Variants in DOCK9 observed in about 807,000 individuals in gnomAD.
The protein encoded by DOCK9 is dedicator of cytokinesis protein 9.
In DOCK9, 89 loss-of-function variants were observed where a neutral mutation model predicts 263.3. That is an observed-to-expected ratio of 0.34 (90% confidence interval 0.28 to 0.40). The LOEUF (loss-of-function observed/expected upper bound fraction) is 0.40, where lower values mean the gene tolerates loss of function less well. DOCK9 is among the 10% of genes least tolerant of loss of function. The probability of loss-of-function intolerance (pLI) is 1.00; values close to 1 mark genes in which losing one functional copy is unlikely to be tolerated. For synonymous variants in DOCK9, 976 were observed against 973.1 expected, an observed-to-expected ratio of 1.00 and a Z score of -0.06; for missense variants, 2,140 against 2,603.4, an observed-to-expected ratio of 0.82 and a Z score of 3.87.
chr13:99,003,927 C>A (rs1164876921), intron 1 of DOCK9, among the ~76,000 whole-genome samples: 2 of 152,134 alleles, frequency 1.3e-5, no homozygotes, highest in Non-Finnish European at 2.9e-5. Flanking sequence ...CCAACAAGAC[C>A]CACCATGATA....
At chr13:99,005,431 C>A (rs1232754553) in intron 1 of DOCK9, among the ~76,000 whole-genome samples, 1 of 152,022 alleles carries the variant, frequency 6.6e-6, no homozygotes, top group Admixed American at 6.6e-5. Context: ...AAGAACCTTG[C>A]TTTTGCAGGG....
At chr13:98,866,988 GTTC>G (rs1353137686) in intron 30 of DOCK9, 4 of 375,164 alleles carry the variant, frequency 1.1e-5, no homozygotes, top group African/African-American at 8.6e-5. Context: ...TATGGAAGCA[GTTC>G]AGCCATCACT....
At chr13:99,004,864 G>A (rs528848237) in intron 1 of DOCK9, among the ~76,000 whole-genome samples, 10 of 150,416 alleles carry the variant, frequency 6.6e-5, no homozygotes, top group East Asian at 1.9e-4. Context: ...CCAAACCTTC[G>A]TATACACTAT....
intron 1 of DOCK9, among the ~76,000 whole-genome samples, chr13:99,008,256 A>G (rs1207222783): frequency 8.0e-6 from 1 of 124,272 alleles, no homozygotes; most frequent in Non-Finnish European, 1.6e-5. Flanking sequence ...TTTTGAGACG[A>G]AGTCTCATTC....
At chr13:98,887,143 A>ATATATATATATATATATT (rs1470080750) in intron 18 of DOCK9, among the ~76,000 whole-genome samples, 1 of 95,292 alleles carries the variant, frequency 1.0e-5, no homozygotes, top group Non-Finnish European at 2.0e-5. Context: ...ATATATATAT[A>ATATATATATATATATATT]TTTTTTTTTT....
rs1439031206 is a variant in DOCK9 at position 98,809,485 on chromosome 13, C to G, written c.5254-20G>C. 1 of 1,549,454 alleles carries G rather than the reference C, an allele frequency of 6.5e-7. No homozygotes were observed. Among genetic ancestry groups the G allele is most frequent in the African/African-American group, 1.4e-5 (1 of 71,948 alleles). On this transcript the variant is annotated intron_variant, in intron 46 of 52. Coordinates refer to ENST00000682017, the MANE Select transcript of DOCK9 (RefSeq NM_001366683.2). ...CAGCCTCTGGAAAGCAGAACAAAGC[C>G]CATTTCTTCCCATGTGCAAAGAGGA...
chr13:98,810,409 A>T (rs2091198340), intron 45 of DOCK9, 118 bp from the exon 46 acceptor site: 3 of 1,226,148 alleles, frequency 2.4e-6, no homozygotes, highest in Non-Finnish European at 3.4e-6. Flanking sequence ...AATAGACAAC[A>T]TGCATCAACA....
chr13:99,008,404 T>C (rs1205340418), intron 1 of DOCK9, among the ~76,000 whole-genome samples: 33 of 151,902 alleles, frequency 2.2e-4, no homozygotes. Context: ...CAGCTAATTT[T>C]TGTATTTTTA....
At position 98,922,482 on chromosome 13, in the gene DOCK9, C is replaced by A. The variant is rs368969879; in HGVS notation, c.487-336G>T. Among the ~76,000 whole-genome samples, 12 of 152,140 alleles carry A rather than the reference C, an allele frequency of 7.9e-5. No homozygotes were observed. The East Asian group carries it at 1.7e-3, about 22-fold the overall frequency. On this transcript the variant is annotated intron_variant, in intron 5 of 52. Coordinates refer to ENST00000682017, the MANE Select transcript of DOCK9 (RefSeq NM_001366683.2). ...CGTTGGAAGGTCTTGCCTGGTTTCA[C>A]GAAAAAATGTTTTCAAATGACACTC...
chr13:99,085,938 A>C (rs1347321218), intron 1 of DOCK9, among the ~76,000 whole-genome samples: 1 of 152,044 alleles, frequency 6.6e-6, no homozygotes, highest in Admixed American at 6.5e-5. Flanking sequence ...GGGTGAAAAG[A>C]GTGACAGGGC....
At chr13:99,058,596 T>C (rs1463713288) in intron 1 of DOCK9, among the ~76,000 whole-genome samples, 1 of 152,094 alleles carries the variant, frequency 6.6e-6, no homozygotes, top group Non-Finnish European at 1.5e-5. Context: ...CTCATCCTGC[T>C]CTATGTGCCC....
At position 98,807,081 on chromosome 13, in the gene DOCK9, G is replaced by A. The variant is rs1340817283; in HGVS notation, c.5514+580C>T. ...ACCTTCAGGAAGCAGAGGGAGACCT[G>A]ACCTCCTGGAGATGTCCTGAGGAGG... On this transcript the variant is annotated intron_variant, in intron 48 of 52. Coordinates refer to ENST00000682017, the MANE Select transcript of DOCK9 (RefSeq NM_001366683.2). Among the ~76,000 whole-genome samples the A allele has an allele frequency of 1.3e-4, 20 of 152,296 alleles. No individual in the cohort carries two copies. In the South Asian group the frequency reaches 3.9e-3, roughly 30 times the overall value.
At chr13:98,815,641 C>T (rs1278598714) in intron 45 of DOCK9, among the ~76,000 whole-genome samples, 1 of 152,084 alleles carries the variant, frequency 6.6e-6, no homozygotes, top group Admixed American at 6.5e-5. Flanking sequence ...GCCACCATGC[C>T]CGGCTAATTT....
In DOCK9 at chr13:98,825,810, C is replaced by T; in HGVS notation, c.5023+1020G>A. On this transcript the variant is annotated intron_variant, in intron 44 of 52. Coordinates refer to ENST00000682017, the MANE Select transcript of DOCK9 (RefSeq NM_001366683.2). The surrounding 1 kb of genome is among the most constrained non-coding windows in gnomAD (Gnocchi z 4.1). ...AAAGTTAAAAGGGCAAATCCCCCAC[C>T]ACGGGAGGGCACGTGACCAGGGCAG... 1 of 1,172,446 alleles carries T rather than the reference C, an allele frequency of 8.5e-7. No homozygotes were observed. The highest frequency in any genetic ancestry group is 2.1e-5 in the South Asian group (1 of 47,954). 72.6% of individuals were successfully genotyped at this position (1,172,446 alleles called of 1,614,324 possible). A position where few individuals can be genotyped will look rare whatever the true frequency, so the allele number is the denominator to read the frequency against.
At chr13:98,810,011 G>T (rs1232317278) in intron 46 of DOCK9, among the ~76,000 whole-genome samples, 158 bp downstream of exon 46, 1 of 152,146 alleles carries the variant, frequency 6.6e-6, no homozygotes, top group Non-Finnish European at 1.5e-5. Context: ...ATTTGGAGAT[G>T]ATGACTGGCC....
intron 1 of DOCK9, among the ~76,000 whole-genome samples, chr13:99,043,155 T>A (rs933831495): frequency 9.9e-5 from 15 of 152,256 alleles, no homozygotes; most frequent in Admixed American, 3.3e-4. Flanking sequence ...CCAATAAAGC[T>A]CATGGGTCAC....
intron 25 of DOCK9, among the ~76,000 whole-genome samples, chr13:98,881,300 C>A (rs2044714794): frequency 6.6e-6 from 1 of 151,840 alleles, no homozygotes. Flanking sequence ...CTTCTTTAAA[C>A]TTCCACATTG....
chr13:98,887,517 GA>G (rs2045951494), intron 18 of DOCK9, among the ~76,000 whole-genome samples: 2 of 149,398 alleles, frequency 1.3e-5, no homozygotes, highest in Admixed American at 1.3e-4. Flanking sequence ...TCGGGAGGCT[GA>G]GGCAGGAGAA....
intron 7 of DOCK9, among the ~76,000 whole-genome samples, chr13:98,916,497 G>C (rs2050910062): frequency 1.3e-5 from 2 of 152,188 alleles, no homozygotes; most frequent in South Asian, 4.1e-4. Context: ...CTCTCTCTAA[G>C]AGTTCCTTGG....
Sources: gnomAD v4.1 joint callset for allele counts (sites outside exome capture counted in the v4.1 genomes callset) on GRCh38, gnomAD v4.1.1 for gene constraint, Gnocchi (gnomAD v3.1) non-coding constraint, MANE v1.5 for transcripts, NCBI Gene and HGNC (gene_info 2026-07-23, HGNC 2026-07-21) for gene names.